Variants in TANC2 observed in about 807,000 individuals in gnomAD.
TANC2 encodes protein TANC2.
A neutral mutation model predicts 210.5 loss-of-function variants in TANC2; 26 were observed. The ratio of observed to expected loss-of-function variants is 0.12; its 90% CI spans 0.09 to 0.17. TANC2 has a LOEUF of 0.17. TANC2 is among the 10% of genes least tolerant of loss of function. TANC2 has a pLI of 1.00. For missense variants in TANC2, 2,129 were observed against 2,608.9 expected (o/e 0.82, Z 4.01); for synonymous variants, 931 against 967.1 (o/e 0.96, Z 0.69).
At chr17:63,023,737 C>G (rs1171257537) in intron 2 of TANC2, among the ~76,000 whole-genome samples, 1 of 152,122 alleles carries the variant, frequency 6.6e-6, no homozygotes, top group Non-Finnish European at 1.5e-5. Context: ...AAACATCTTT[C>G]AAGGAAGTAT....
At chr17:63,084,375 C>T (rs886688181) in intron 3 of TANC2, among the ~76,000 whole-genome samples, 3 of 151,994 alleles carry the variant, frequency 2.0e-5, no homozygotes, top group Non-Finnish European at 4.4e-5. Context: ...TTCTCTCTCT[C>T]TCTTTTTTAG....
rs368602777 is a variant in TANC2, at chr17:63,394,630, T to A, written c.3052-1113T>A. Among the ~76,000 whole-genome samples, 16 of 152,334 alleles carry A rather than the reference T, an allele frequency of 1.1e-4. No homozygotes were observed. The East Asian group carries it at 2.1e-3, about 20-fold the overall frequency. On this transcript the variant is annotated intron_variant, in intron 17 of 27. Transcript: ENST00000689528. The stretch of plus-strand genomic sequence containing the variant: ...TTAGAGTTTAAACTTCCCTTTCATG[T>A]GCCCTACTCTTACAAAAAGTAGAAT...
chr17:63,118,741 C>T lies in TANC2; in HGVS notation c.322+19384C>T, dbSNP rs551814693. 2.0e-5 allele frequency among the ~76,000 whole-genome samples: 3 copies of T among 151,026 alleles called. No individual in the cohort carries two copies. The South Asian group carries it at 6.3e-4, about 32-fold the overall frequency. On this transcript the variant is annotated intron_variant, in intron 4 of 27. Coordinates refer to ENST00000689528, the Ensembl canonical transcript of TANC2. Reference sequence around the variant, plus strand: ...CCTCCTCCCTCACCCTATTGAGTAGCTTGGACTACAGGCATGTGCCACCAT... The same window carrying T: ...CCTCCTCCCTCACCCTATTGAGTAGTTTGGACTACAGGCATGTGCCACCAT...
intron 14 of TANC2, among the ~76,000 whole-genome samples, chr17:63,358,487 C>T (rs1269201859): frequency 6.6e-6 from 1 of 151,176 alleles, no homozygotes; most frequent in African/African-American, 2.4e-5. Context: ...GTAAAATATG[C>T]CCCTTGAAGC....
chr17:63,142,788 A>G (rs2039332334), intron 4 of TANC2, among the ~76,000 whole-genome samples: 1 of 152,228 alleles, frequency 6.6e-6, no homozygotes, highest in Admixed American at 6.5e-5. Context: ...GGGTCTTCTG[A>G]AACGAGTTTC....
chr17:63,079,557 TA>T (rs1392768619), intron 3 of TANC2, among the ~76,000 whole-genome samples: 1 of 152,174 alleles, frequency 6.6e-6, no homozygotes, highest in African/African-American at 2.4e-5. Context: ...CAAAATATTT[TA>T]AAATTAGTAT....
intron 3 of TANC2, among the ~76,000 whole-genome samples, chr17:63,075,810 C>T (rs535364283): frequency 4.7e-4 from 72 of 152,020 alleles, no homozygotes; most frequent in Non-Finnish European, 8.1e-4. Context: ...TGAGCCACCG[C>T]GCCTGGCCAG....
chr17:63,157,804 C>A (rs772771978), intron 5 of TANC2, among the ~76,000 whole-genome samples: 1 of 151,944 alleles, frequency 6.6e-6, no homozygotes, highest in Non-Finnish European at 1.5e-5. Context: ...GGCTGGAGTG[C>A]GGTGGCAGGG....
chr17:63,223,747 G>A (rs61745915), intron 7 of TANC2, among the ~76,000 whole-genome samples: 48 of 152,030 alleles, frequency 3.2e-4, no homozygotes, highest in African/African-American at 3.1e-4. Flanking sequence ...CTTTAATAAC[G>A]AGCAGTGAGG....
At chr17:63,423,843 C>G (rs1443803404) in exon 28 of TANC2, 1 of 152,344 alleles carries the variant, frequency 6.6e-6, no homozygotes, top group African/African-American at 2.4e-5. Context: ...GCTTTCTCAG[C>G]TAGACCAGGG....
At chr17:63,233,166 G>A (rs2042525942) in intron 7 of TANC2, among the ~76,000 whole-genome samples, 1 of 152,216 alleles carries the variant, frequency 6.6e-6, no homozygotes, top group South Asian at 2.1e-4. Context: ...CTTCCCAGGA[G>A]CTCAGTCATC....
chr17:63,401,407 A>C lies in TANC2; in HGVS notation c.3331+2493A>C, dbSNP rs188406568. On this transcript the variant is annotated intron_variant, in intron 19 of 27. Transcript: ENST00000689528. ...CATTATTTTATGTGCCACTACAAAA[A>C]CAAACAACTTCTGCCAACTATACTG... 1.9e-3 allele frequency among the ~76,000 whole-genome samples: 296 copies of C among 152,314 alleles called. 1 individual carries two copies. Among genetic ancestry groups the C allele is most frequent in the Middle Eastern group, 6.8e-3 (2 of 292 alleles).
intron 11 of TANC2, among the ~76,000 whole-genome samples, chr17:63,320,131 C>A (rs181083941): frequency 6.6e-6 from 1 of 152,128 alleles, no homozygotes; most frequent in Non-Finnish European, 1.5e-5. Flanking sequence ...ATCACTCTGG[C>A]GCCAAGGATA....
chr17:63,143,907 C>T (rs1006962379), intron 4 of TANC2, among the ~76,000 whole-genome samples: 1 of 151,982 alleles, frequency 6.6e-6, no homozygotes, highest in Non-Finnish European at 1.5e-5. Flanking sequence ...AATCCTGGCA[C>T]TTTGGGAGGC....
At chr17:63,282,889 A>G (rs1167198416) in intron 9 of TANC2, among the ~76,000 whole-genome samples, 2 of 151,972 alleles carry the variant, frequency 1.3e-5, no homozygotes, top group African/African-American at 4.8e-5. Context: ...TACTTGATTT[A>G]CAAATATTTT....
At chr17:63,406,077 A>G (rs2048496973) in intron 20 of TANC2, 77 bp from the exon 21 acceptor site, 1 of 1,571,648 alleles carries the variant, frequency 6.4e-7, no homozygotes, top group Admixed American at 1.8e-5. Flanking sequence ...ATTCCTACAG[A>G]GTAAGAGATA....
intron 5 of TANC2, among the ~76,000 whole-genome samples, chr17:63,158,945 C>T (rs1438001477): frequency 6.6e-6 from 1 of 152,164 alleles, no homozygotes; most frequent in East Asian, 1.9e-4. Context: ...GAACTGAGGG[C>T]TTCTATTCCT....
intron 1 of TANC2, among the ~76,000 whole-genome samples, chr17:62,985,186 AT>A (rs1195435731): frequency 6.6e-6 from 1 of 151,808 alleles, no homozygotes; most frequent in Non-Finnish European, 1.5e-5. Flanking sequence ...TCTTTCAGTA[AT>A]TTCAATATAT....
intron 7 of TANC2, among the ~76,000 whole-genome samples, chr17:63,205,344 C>CAAAAAAAAAAAA (rs1158768609): frequency 2.5e-4 from 2 of 8,070 alleles, no homozygotes; most frequent in African/African-American, 5.3e-4. Flanking sequence ...ACCAAGGAGG[C>CAAAAAAAAAAAA]AAAAAAAAAA....
Sources: allele counts gnomAD v4.1 joint callset (sites outside exome capture counted in the v4.1 genomes callset), GRCh38; gene constraint gnomAD v4.1.1; transcripts MANE v1.5; gene names NCBI Gene and HGNC (gene_info 2026-07-23, HGNC 2026-07-21).